CCDC6: variants seen among roughly 807,000 people sequenced by gnomAD.
CCDC6 encodes the protein coiled-coil domain-containing protein 6.
In CCDC6, 20 loss-of-function variants were observed where a neutral mutation model predicts 56.6. The ratio of observed to expected loss-of-function variants is 0.35; its 90% CI spans 0.25 to 0.51. The LOEUF is 0.51. Ranked by LOEUF, CCDC6 falls within the 20% of genes least tolerant of loss-of-function variation. The probability of loss-of-function intolerance (pLI) is 0.95; values close to 1 mark genes in which losing one functional copy is unlikely to be tolerated. For missense variants in CCDC6, 367 were observed against 601.1 expected (o/e 0.61, Z 4.07); for synonymous variants, 241 against 234.4 (o/e 1.03, Z -0.26).
rs746128939 is a variant in CCDC6 at position 59,794,573 on chromosome 10, A to G, written c.1130T>C (p.Val377Ala). ...CAGTGAAGTTGGTGGCGTGAAACCA[A>G]CCGTGTGACTTGCATATGATAGACC... ...SPGLSYASHT[V>A]GFTPPTSLTR... Residue 377 changes from valine (V) to alanine (A), a missense_variant, in exon 8 of 9, where the codon GTT (valine) becomes GCT (alanine). Physicochemically the swap from Val to Ala is moderately conservative, Grantham distance 64 (BLOSUM62 0). Coordinates refer to ENST00000263102, the MANE Select transcript of CCDC6 (RefSeq NM_005436.5). 4 of 1,613,910 alleles carry G rather than the reference A, an allele frequency of 2.5e-6. No homozygotes were observed. Among genetic ancestry groups the G allele is most frequent in the African/African-American group, 1.3e-5 (1 of 74,924 alleles).
chr10:59,847,342 C>T (rs1294866886), intron 2 of CCDC6, among the ~76,000 whole-genome samples: 1 of 145,454 alleles, frequency 6.9e-6, no homozygotes, highest in Non-Finnish European at 1.5e-5. Context: ...CAGGAGCCAC[C>T]GCGCCAGGCC....
intron 1 of CCDC6, among the ~76,000 whole-genome samples, chr10:59,891,599 A>G (rs1178100324): frequency 6.6e-6 from 1 of 152,200 alleles, no homozygotes; most frequent in African/African-American, 2.4e-5. Context: ...GATGACTGTC[A>G]TTAGCACTAA....
At chr10:59,902,552 C>T (rs892451995) in intron 1 of CCDC6, among the ~76,000 whole-genome samples, 1 of 152,050 alleles carries the variant, frequency 6.6e-6, no homozygotes, top group Non-Finnish European at 1.5e-5. Flanking sequence ...CAACACCATC[C>T]CCAGCTAATT....
intron 2 of CCDC6, among the ~76,000 whole-genome samples, chr10:59,838,263 G>A (rs2070903557): frequency 1.3e-5 from 2 of 151,736 alleles, no homozygotes; most frequent in Admixed American, 1.3e-4. Context: ...TGTGTGCCAT[G>A]TGCTCATGGC....
chr10:59,900,711 T>C (rs556174470), intron 1 of CCDC6, among the ~76,000 whole-genome samples: 8 of 152,354 alleles, frequency 5.3e-5, no homozygotes, highest in Admixed American at 2.6e-4. Flanking sequence ...TCTCTAATGA[T>C]TCCCCATCTC....
intron 1 of CCDC6, among the ~76,000 whole-genome samples, chr10:59,882,949 G>A (rs1209097650): frequency 6.6e-6 from 1 of 151,514 alleles, no homozygotes; most frequent in Non-Finnish European, 1.5e-5. Flanking sequence ...GACAGAGCAA[G>A]ACTCTGCCTC....
chr10:59,827,793 G>C (rs2070800810), intron 3 of CCDC6, among the ~76,000 whole-genome samples: 1 of 152,120 alleles, frequency 6.6e-6, no homozygotes, highest in Non-Finnish European at 1.5e-5. Context: ...CCAACTACAG[G>C]AAGGAAAAAG....
At chr10:59,851,834 A>G (rs1418047432) in intron 2 of CCDC6, among the ~76,000 whole-genome samples, 2 of 152,124 alleles carry the variant, frequency 1.3e-5, no homozygotes, top group Non-Finnish European at 2.9e-5. Context: ...TGAAAACTCA[A>G]TATCCCACTT....
chr10:59,857,171 G>A (rs572532515), intron 1 of CCDC6, among the ~76,000 whole-genome samples: 1 of 152,196 alleles, frequency 6.6e-6, no homozygotes, highest in Non-Finnish European at 1.5e-5. Flanking sequence ...AATAAAAAGG[G>A]AAATTAAAGG....
chr10:59,855,200 A>T (rs755103074), intron 1 of CCDC6, among the ~76,000 whole-genome samples: 1 of 152,146 alleles, frequency 6.6e-6, no homozygotes, highest in East Asian at 1.9e-4. Flanking sequence ...CCCCTCCCCA[A>T]TTCATCTAGC....
chr10:59,823,955 T>C (rs7920049), intron 3 of CCDC6, among the ~76,000 whole-genome samples: 29,024 of 152,204 alleles, frequency 0.19, 3,461 homozygotes, highest in African/African-American at 0.34. Context: ...GCAAGGTCTT[T>C]GTCCCCAGTG....
intron 2 of CCDC6, among the ~76,000 whole-genome samples, 192 bp from the exon 3 acceptor site, chr10:59,832,845 G>A (rs537055124): frequency 6.6e-5 from 10 of 152,280 alleles, no homozygotes; most frequent in African/African-American, 1.4e-4. Flanking sequence ...AAAAGTCATA[G>A]GGAATGGAAA....
intron 1 of CCDC6, among the ~76,000 whole-genome samples, chr10:59,855,774 T>C (rs981557916): frequency 1.3e-5 from 2 of 152,160 alleles, no homozygotes; most frequent in African/African-American, 4.8e-5. Context: ...TTGAATTATA[T>C]CTTGATTTTT....
At chr10:59,849,748 C>T (rs2071022377) in intron 2 of CCDC6, among the ~76,000 whole-genome samples, 1 of 151,818 alleles carries the variant, frequency 6.6e-6, no homozygotes, top group Admixed American at 6.6e-5. Flanking sequence ...TCTTAGCAGG[C>T]TTTTTTTTAG....
intron 1 of CCDC6, among the ~76,000 whole-genome samples, chr10:59,861,864 T>C (rs1307004347): frequency 6.6e-6 from 1 of 152,248 alleles, no homozygotes; most frequent in Non-Finnish European, 1.5e-5. Context: ...TTTCTTCTAA[T>C]ACTCCAGTTA....
intron 1 of CCDC6, among the ~76,000 whole-genome samples, chr10:59,859,871 C>T (rs1006482614): frequency 6.6e-6 from 1 of 151,826 alleles, no homozygotes; most frequent in Middle Eastern, 3.2e-3. Flanking sequence ...TCACTTGAGG[C>T]CAAGAGTTCA....
intron 1 of CCDC6, among the ~76,000 whole-genome samples, chr10:59,891,021 T>C (rs1029399597): frequency 1.3e-5 from 2 of 152,180 alleles, no homozygotes; most frequent in African/African-American, 4.8e-5. Context: ...AGACAGATTT[T>C]TAAACACAGG....
At chr10:59,836,474 A>T (rs1478268033) in intron 2 of CCDC6, among the ~76,000 whole-genome samples, 1 of 152,232 alleles carries the variant, frequency 6.6e-6, no homozygotes, top group Non-Finnish European at 1.5e-5. Flanking sequence ...CATAGGTCTT[A>T]ATGTACTGTT....
At chr10:59,864,685 T>C (rs1056582107) in intron 1 of CCDC6, among the ~76,000 whole-genome samples, 7 of 152,178 alleles carry the variant, frequency 4.6e-5, no homozygotes, top group South Asian at 2.1e-4. Context: ...GGGTGGTTTC[T>C]TGGCTGGTTT....
Sources: allele counts gnomAD v4.1 joint callset (sites outside exome capture counted in the v4.1 genomes callset), GRCh38; gene constraint gnomAD v4.1.1; transcripts MANE v1.5; gene names NCBI Gene and HGNC (gene_info 2026-07-23, HGNC 2026-07-21).